Variants in COL5A1 observed in about 807,000 individuals in gnomAD.
The protein encoded by COL5A1 is collagen alpha-1(V) chain.
COL5A1 carries 16 observed loss-of-function variants against 263.7 expected under a neutral mutation model. That is an observed-to-expected ratio of 0.06 (90% CI 0.04 to 0.09). COL5A1 has a LOEUF of 0.09. Among genes scored for constraint, COL5A1 ranks in the 10% least tolerant of loss-of-function variants. The probability of loss-of-function intolerance (pLI) is 1.00; values close to 1 mark genes in which losing one functional copy is unlikely to be tolerated. For synonymous variants in COL5A1, 1,012 were observed against 1,004.5 expected (o/e 1.01, Z -0.14); for missense variants, 2,036 against 2,540.5 (o/e 0.80, Z 4.27).
chr9:134,665,279 A>G (rs1832322601), intron 1 of COL5A1, among the ~76,000 whole-genome samples: 1 of 152,190 alleles, frequency 6.6e-6, no homozygotes. Context: ...CTGCAGATAT[A>G]CGTGTGTGTG....
chr9:134,782,317 G>T (rs149465348), intron 28 of COL5A1, among the ~76,000 whole-genome samples: 1 of 152,102 alleles, frequency 6.6e-6, no homozygotes, highest in Non-Finnish European at 1.5e-5. Context: ...TCACTTCAGT[G>T]CTTCAGTGCT....
Position 134,796,392 on chromosome 9 carries a change from G to A in COL5A1, c.2818G>A (p.Gly940Ser), listed in dbSNP as rs1131691874. Residue 940 changes from glycine to serine, a missense_variant, in exon 35 of 66, where the codon GGC becomes AGC. Gly to Ser is a moderately conservative substitution (Grantham distance 56). This residue lies in a region of COL5A1 where 1,078 missense variants were observed against 1,521.4 expected (regional missense o/e 0.71). Coordinates refer to ENST00000371817, the MANE Select transcript of COL5A1 (RefSeq NM_000093.5). ...PGPKGNSGGD[G>S]PAGPPGERGP... ...TCTCAAGGGCAACTCCGGAGGTGAC[G>A]GCCCAGCTGGCCCTCCTGGTGAACG... 35 of 1,614,036 alleles carry A rather than the reference G, an allele frequency of 2.2e-5. No homozygotes were observed. Among genetic ancestry groups the A allele is most frequent in the Non-Finnish European group, 2.8e-5 (33 of 1,180,030 alleles).
intron 34 of COL5A1, among the ~76,000 whole-genome samples, chr9:134,796,047 C>T (rs1044054053): frequency 2.6e-5 from 4 of 152,186 alleles, no homozygotes; most frequent in Non-Finnish European, 4.4e-5. Flanking sequence ...GGCCCTAGAG[C>T]GGGTCCCTGC....
Position 134,742,102 on chromosome 9 carries a change from A to C in COL5A1, c.1494+3294A>C, listed in dbSNP as rs1173489808. On this transcript the variant is annotated intron_variant, in intron 11 of 65. Transcript: ENST00000371817. The surrounding 1 kb of genome is among the most constrained non-coding windows in gnomAD (Gnocchi z 4.6). ...GCTGAAGCCCACACCCTGTGCCTCC[A>C]CTGGCTGGCCCTGGGTGTTGCTTCC... 6.6e-6 allele frequency among the ~76,000 whole-genome samples: 1 copy of C among 152,160 alleles called. No homozygotes were observed. The highest frequency in any genetic ancestry group is 1.5e-5 in the Non-Finnish European group (1 of 68,022).
chr9:134,773,523 C>G (rs1290865661), intron 26 of COL5A1, among the ~76,000 whole-genome samples: 1 of 152,170 alleles, frequency 6.6e-6, no homozygotes, highest in Non-Finnish European at 1.5e-5. Flanking sequence ...AGCTCATGGT[C>G]GTCGGGAGCC....
intron 58 of COL5A1, 24 bp downstream of exon 58, chr9:134,820,247 A>G (rs530702220): frequency 1.3e-6 from 2 of 1,584,776 alleles, no homozygotes; most frequent in East Asian, 2.2e-5. Flanking sequence ...CACTTCTTGC[A>G]TGTGGGCTGT....
intron 18 of COL5A1, among the ~76,000 whole-genome samples, chr9:134,760,341 ACCCC>A (rs1283380162): frequency 5.4e-5 from 4 of 73,626 alleles, no homozygotes; most frequent in East Asian, 5.1e-4. Flanking sequence ...ATGCACACAC[ACCCC>A]CACACACCCC....
intron 1 of COL5A1, among the ~76,000 whole-genome samples, chr9:134,666,170 A>G (rs1190348902): frequency 6.6e-6 from 1 of 152,232 alleles, no homozygotes; most frequent in African/African-American, 2.4e-5. Context: ...ACTATATATG[A>G]TCACTCAGTA....
At chr9:134,838,494 C>G (rs1310307037) in intron 65 of COL5A1, among the ~76,000 whole-genome samples, 1 of 152,222 alleles carries the variant, frequency 6.6e-6, no homozygotes, top group Non-Finnish European at 1.5e-5. Context: ...GCCGTCCAGA[C>G]CGCGCCACCT....
At chr9:134,759,680 C>A in intron 18 of COL5A1, among the ~76,000 whole-genome samples, 1 of 109,718 alleles carries the variant, frequency 9.1e-6, no homozygotes, top group African/African-American at 4.4e-5. Flanking sequence ...CCCCACACCC[C>A]CACACTCATA....
chr9:134,730,516 G>C, intron 7 of COL5A1, 41 bp downstream of exon 7: 1 of 1,612,422 alleles, frequency 6.2e-7, no homozygotes, highest in East Asian at 2.2e-5. Context: ...TGGGGCAGTG[G>C]GCCAAGGGCC....
In COL5A1 at chr9:134,680,002, G is replaced by T. The variant is rs1320151740; in HGVS notation, c.110-10910G>T. ...CCGGGTCAGGTGGGCCTGTGCCTGT[G>T]GGGAGGGTGGTCTAGTGTCAGACAC... On this transcript the variant is annotated intron_variant, in intron 1 of 65. Coordinates refer to ENST00000371817, the MANE Select transcript of COL5A1 (RefSeq NM_000093.5). This position sits in a 1 kb window ranked among gnomAD's most constrained non-coding sequence, Gnocchi z 5.9. Among the ~76,000 whole-genome samples, 4 of 152,062 alleles carry T rather than the reference G, an allele frequency of 2.6e-5. No individual in the cohort carries two copies. Among genetic ancestry groups the T allele is most frequent in the African/African-American group, 4.8e-5 (2 of 41,386 alleles).
intron 63 of COL5A1, 95 bp downstream of exon 63, chr9:134,825,999 A>G (rs1839249505): frequency 2.8e-6 from 2 of 725,828 alleles, no homozygotes; most frequent in Non-Finnish European, 4.9e-6. Context: ...ATGCAGCTTT[A>G]AGACTGAAAG....
At chr9:134,674,970 C>G (rs78848295) in intron 1 of COL5A1, among the ~76,000 whole-genome samples, 1 of 152,136 alleles carries the variant, frequency 6.6e-6, no homozygotes, top group African/African-American at 2.4e-5. Flanking sequence ...CATTTCCTCA[C>G]GTTTCAATAT....
rs1316130034 is a variant in COL5A1 at position 134,789,295 on chromosome 9, T to C, written c.2700+87T>C. ...GGTTCTCCAGCCGACGGCCTGTTTA[T>C]TTCTCACTCTCTTGCTTCTGAAACT... On this transcript the variant is annotated intron_variant, in intron 32 of 65. Transcript: ENST00000371817. This position sits in a 1 kb window ranked among gnomAD's most constrained non-coding sequence, Gnocchi z 4.8. 9 of 1,090,140 alleles carry C rather than the reference T, an allele frequency of 8.3e-6. No homozygotes were observed. Among genetic ancestry groups the C allele is most frequent in the African/African-American group, 1.5e-5 (1 of 64,844 alleles). The allele number at this position is 1,090,140 out of a possible 1,614,324, so 67.5% of individuals were successfully genotyped here. A position where few individuals can be genotyped will look rare whatever the true frequency, so the allele number is the denominator to read the frequency against.
rs147859678 is a variant in COL5A1, at chr9:134,747,973, TCA to T, written c.1495-2560_1495-2559del. ...CATGCAGACACATGCACACATGCATTCACACACACATGCATTCACACACACAT... is the reference window on the plus strand; with the variant it reads ...CATGCAGACACATGCACACATGCATTCACACACATGCATTCACACACACAT... On this transcript the variant is annotated intron_variant, in intron 11 of 65. Coordinates refer to ENST00000371817, the MANE Select transcript of COL5A1 (RefSeq NM_000093.5). Among the ~76,000 whole-genome samples the T allele has an allele frequency of 1.3e-3, 159 of 125,024 alleles. 4 individuals carry two copies. Among genetic ancestry groups the T allele is most frequent in the African/African-American group, 3.1e-3 (99 of 31,828 alleles). The allele number at this position is 125,024 out of a possible 152,430, so 82.0% of individuals were successfully genotyped here.
intron 26 of COL5A1, 22 bp downstream of exon 26, chr9:134,772,856 C>G: frequency 6.2e-7 from 1 of 1,613,000 alleles, no homozygotes; most frequent in Non-Finnish European, 8.5e-7. Context: ...CCACGCCCTC[C>G]TACCCTTCAG....
intron 65 of COL5A1, among the ~76,000 whole-genome samples, chr9:134,836,520 G>A (rs992705918): frequency 2.6e-5 from 4 of 152,206 alleles, no homozygotes; most frequent in South Asian, 4.1e-4. Flanking sequence ...GAACGGGGCC[G>A]GCGTTAGGGC....
intron 21 of COL5A1, 37 bp from the exon 22 acceptor site, chr9:134,766,417 T>C (rs1836668783): frequency 4.3e-6 from 7 of 1,609,586 alleles, no homozygotes; most frequent in Non-Finnish European, 6.0e-6. Context: ...TTCTTTCGCA[T>C]TCAGTTACAT....
Sources: gnomAD v4.1 joint callset for allele counts (sites outside exome capture counted in the v4.1 genomes callset) on GRCh38, gnomAD v4.1.1 for gene constraint, gnomAD v4.1.1 regional missense constraint, Gnocchi (gnomAD v3.1) non-coding constraint, MANE v1.5 for transcripts, NCBI Gene and HGNC (gene_info 2026-07-23, HGNC 2026-07-21) for gene names.